Variants in TTL observed in about 807,000 individuals in gnomAD.
TTL encodes the protein tubulin tyrosine ligase.
Under a neutral mutation model 41.1 loss-of-function variants are expected in TTL, and 10 were observed. That is an observed-to-expected ratio of 0.24 (90% CI 0.15 to 0.41). The LOEUF (loss-of-function observed/expected upper bound fraction) is 0.41. TTL is among the 10% of genes least tolerant of loss of function. The pLI, the probability that TTL is intolerant of heterozygous loss-of-function variation, is 1.00. For missense variants in TTL, 367 were observed against 460.4 expected (o/e 0.80, Z 1.86); for synonymous variants, 175 against 175.5 (o/e 1.00, Z 0.02).
rs1216783223 is a variant in TTL at position 112,531,261 on chromosome 2, G to C, written c.*2466G>C. 1 of 226,026 alleles carries C rather than the reference G, an allele frequency of 4.4e-6. No homozygotes were observed. Among genetic ancestry groups the C allele is most frequent in the East Asian group, 6.4e-5 (1 of 15,672 alleles). The allele number at this position is 226,026 out of a possible 1,614,324, so 14.0% of individuals were successfully genotyped here. A position where few individuals can be genotyped will look rare whatever the true frequency, so the allele number is the denominator to read the frequency against. Reference sequence around the variant, plus strand: ...CTCCCAGTCAGGCTTCATACTTTTGGTCCATGTAAGTGCTACCCGTTGCTG... The same window carrying C: ...CTCCCAGTCAGGCTTCATACTTTTGCTCCATGTAAGTGCTACCCGTTGCTG... On this transcript the variant is annotated 3_prime_UTR_variant, in exon 7 of 7. Transcript: ENST00000233336.
rs902120222 is a variant in TTL, at chr2:112,541,194, TAA to T, written c.*12403_*12404del. On this transcript the variant is annotated 3_prime_UTR_variant, in exon 7 of 7. Coordinates refer to ENST00000233336, the MANE Select transcript of TTL (RefSeq NM_153712.5). ...ACACAATGATGTCTTAGATATGATATAAAAAGACAGGCAACAAAAGAAAAAAA... is the reference window on the plus strand; with the variant it reads ...ACACAATGATGTCTTAGATATGATATAAAGACAGGCAACAAAAGAAAAAAA... The T allele has an allele frequency of 6.6e-6, 1 of 151,970 alleles. No individual in the cohort carries two copies. The highest frequency in any genetic ancestry group is 1.5e-5 in the Non-Finnish European group (1 of 68,006). 9.4% of individuals were successfully genotyped at this position (151,970 alleles called of 1,614,324 possible). A position where few individuals can be genotyped will look rare whatever the true frequency, so the allele number is the denominator to read the frequency against.
intron 2 of TTL, 48 bp from the exon 3 acceptor site, chr2:112,494,095 A>G: frequency 6.7e-7 from 1 of 1,499,272 alleles, no homozygotes; most frequent in East Asian, 2.3e-5. Flanking sequence ...GAAGGGAGTG[A>G]CAAAGTGCAC....
At position 112,528,788 on chromosome 2, in the gene TTL, A is replaced by G; in HGVS notation, c.1127A>G (p.Lys376Arg). 6.2e-7 allele frequency: 1 copy of G among 1,613,918 alleles called. No individual in the cohort carries two copies. The highest frequency in any genetic ancestry group is 2.2e-5 in the East Asian group (1 of 44,878). ...QPQTQPAAFI[K>R]L ...CAGACCCAGCCAGCTGCCTTCATCA[A>G]GCTGTGACAGAGGGCACTCCCTGCT... The change falls in exon 7 of 7, where the codon AAG (lysine) becomes AGG (arginine). Residue 376 changes from lysine to arginine, a missense_variant. By Grantham distance (26) the Lys-to-Arg change is conservative (BLOSUM62 2). Transcript: ENST00000233336.
chr2:112,496,945 C>T (rs1222555941), intron 3 of TTL, among the ~76,000 whole-genome samples: 3 of 151,886 alleles, frequency 2.0e-5, no homozygotes, highest in South Asian at 2.1e-4. Flanking sequence ...CTCAGTATCC[C>T]GAGTAGCTGG....
At chr2:112,486,140 G>C in intron 2 of TTL, 145 bp downstream of exon 2, 1 of 776,862 alleles carries the variant, frequency 1.3e-6, no homozygotes. Flanking sequence ...CGCTTTGGTT[G>C]CGGTCCAAAA....
At chr2:112,515,163 A>G (rs1361100794) in intron 5 of TTL, among the ~76,000 whole-genome samples, 1 of 152,084 alleles carries the variant, frequency 6.6e-6, no homozygotes, top group Admixed American at 6.6e-5. Context: ...TAACATCCTT[A>G]TCTGATAACT....
rs1222321041 is a variant in TTL, at chr2:112,496,659, ATGTGTC to A, written c.469+2290_469+2295del. Among the ~76,000 whole-genome samples, 62 of 121,454 alleles carry A rather than the reference ATGTGTC, an allele frequency of 5.1e-4. No homozygotes were observed. The South Asian group carries it at 0.013, about 25-fold the overall frequency. The allele number at this position is 121,454 out of a possible 152,430, so 79.7% of individuals were successfully genotyped here. ...TTTTAATTTTTTATTTTATATATAT[ATGTGTC>A]TGTGTGTGTGTGTGTGTGTGTGTGT... On this transcript the variant is annotated intron_variant, in intron 3 of 6. Transcript: ENST00000233336.
Position 112,529,045 on chromosome 2 carries a change from T to C in TTL, c.*250T>C, listed in dbSNP as rs1682439590. On this transcript the variant is annotated 3_prime_UTR_variant, in exon 7 of 7. Coordinates refer to ENST00000233336, the MANE Select transcript of TTL (RefSeq NM_153712.5). ...AACAACTTTGGTACACAAAGGCAGC[T>C]TTGTGAGCAGAGCTCCTTCCCCTCT... The C allele has an allele frequency of 1.9e-6, 1 of 538,190 alleles. No individual in the cohort carries two copies. The highest frequency in any genetic ancestry group is 1.9e-5 in the African/African-American group (1 of 52,818). 33.3% of individuals were successfully genotyped at this position (538,190 alleles called of 1,614,324 possible).
chr2:112,498,091 A>G (rs892286227), intron 3 of TTL, among the ~76,000 whole-genome samples: 29 of 152,222 alleles, frequency 1.9e-4, no homozygotes, highest in Non-Finnish European at 3.4e-4. Context: ...TGAGAATCCA[A>G]GGCGGGCGGA....
In TTL at chr2:112,530,977, A is replaced by G. The variant is rs906087630; in HGVS notation, c.*2182A>G. 5.0e-5 allele frequency: 9 copies of G among 181,124 alleles called. No homozygotes were observed. The allele number at this position is 181,124 out of a possible 1,614,324, so 11.2% of individuals were successfully genotyped here. On this transcript the variant is annotated 3_prime_UTR_variant, in exon 7 of 7. Transcript: ENST00000233336. The stretch of plus-strand genomic sequence containing the variant: ...ATAAATTTTAAATAAATTTTAAATA[A>G]AATTTTACAGAGACGTGGTCTCACT...
intron 5 of TTL, among the ~76,000 whole-genome samples, chr2:112,514,201 C>G: frequency 6.6e-6 from 1 of 152,006 alleles, no homozygotes; most frequent in Admixed American, 6.6e-5. Context: ...CTGATACATG[C>G]TGAAACCCCA....
At chr2:112,484,678 GAGA>G (rs1300923711) in intron 1 of TTL, among the ~76,000 whole-genome samples, 2 of 152,126 alleles carry the variant, frequency 1.3e-5, no homozygotes, top group Non-Finnish European at 1.5e-5. Context: ...GAAAGCCAAG[GAGA>G]AGATTTATAG....
At chr2:112,515,678 C>T (rs375009821) in intron 5 of TTL, among the ~76,000 whole-genome samples, 14 of 152,204 alleles carry the variant, frequency 9.2e-5, no homozygotes, top group South Asian at 6.2e-4. Flanking sequence ...CCAGGTGCGA[C>T]GGCTCACGCC....
intron 5 of TTL, among the ~76,000 whole-genome samples, chr2:112,517,300 T>C (rs1388717507): frequency 1.3e-5 from 2 of 152,112 alleles, no homozygotes; most frequent in African/African-American, 4.8e-5. Flanking sequence ...CAGGCTGAAG[T>C]GCAGTGGCGC....
Position 112,537,659 on chromosome 2 carries a change from GT to G in TTL, c.*8865del, listed in dbSNP as rs1682624375. 6.6e-6 allele frequency: 1 copy of G among 152,112 alleles called. No homozygotes were observed. Among genetic ancestry groups the G allele is most frequent in the Non-Finnish European group, 1.5e-5 (1 of 68,026 alleles). 9.4% of individuals were successfully genotyped at this position (152,112 alleles called of 1,614,324 possible). A position where few individuals can be genotyped will look rare whatever the true frequency, so the allele number is the denominator to read the frequency against. On this transcript the variant is annotated 3_prime_UTR_variant, in exon 7 of 7. Transcript: ENST00000233336. ...AAGGACATTTTATATTGATAAAAGG[GT>G]CAGTCCATTAGGAAAATATGACAAT...
rs781210767 is a variant in TTL at position 112,503,114 on chromosome 2, T to C, written c.808T>C (p.Tyr270His). The change falls in exon 5 of 7, where the codon TAC becomes CAC. Residue 270 changes from tyrosine to histidine, a missense_variant. Coordinates refer to ENST00000233336, the MANE Select transcript of TTL (RefSeq NM_153712.5). ...NEMFFKEFNQ[Y>H]LTSALNITLE... Reference sequence around the variant, plus strand: ...AATGTTCTTCAAGGAGTTCAATCAGTACCTAACAAGTGCTTTGAACATTAC... The same window carrying C: ...AATGTTCTTCAAGGAGTTCAATCAGCACCTAACAAGTGCTTTGAACATTAC... The C allele has an allele frequency of 6.2e-7, 1 of 1,613,328 alleles. No individual in the cohort carries two copies. The highest frequency in any genetic ancestry group is 8.5e-7 in the Non-Finnish European group (1 of 1,179,878).
At chr2:112,490,459 T>A (rs1052147538) in intron 2 of TTL, among the ~76,000 whole-genome samples, 1 of 151,538 alleles carries the variant, frequency 6.6e-6, no homozygotes, top group Non-Finnish European at 1.5e-5. Context: ...CTAACACAAA[T>A]GTTTTCAACA....
intron 5 of TTL, among the ~76,000 whole-genome samples, chr2:112,510,705 A>G (rs933374397): frequency 6.6e-6 from 1 of 152,110 alleles, no homozygotes; most frequent in Admixed American, 6.6e-5. Flanking sequence ...TTTCTTTTTT[A>G]AAAAAATAAA....
At chr2:112,503,355 T>C (rs1681750683) in intron 5 of TTL, among the ~76,000 whole-genome samples, 174 bp downstream of exon 5, 1 of 150,310 alleles carries the variant, frequency 6.7e-6, no homozygotes, top group South Asian at 2.1e-4. Context: ...GTCTCCTCTT[T>C]CGTTTCTGAT....
Sources: gnomAD v4.1 joint callset for allele counts (sites outside exome capture counted in the v4.1 genomes callset) on GRCh38, gnomAD v4.1.1 for gene constraint, MANE v1.5 for transcripts, NCBI Gene and HGNC (gene_info 2026-07-23, HGNC 2026-07-21) for gene names.